NKAIN2: variants seen among roughly 807,000 people sequenced by gnomAD.
NKAIN2 encodes the protein sodium/potassium-transporting ATPase subunit beta-1-interacting protein 2.
A neutral mutation model predicts 32.6 loss-of-function variants in NKAIN2; 14 were observed. The ratio of observed to expected loss-of-function variants is 0.43; its 90% CI spans 0.28 to 0.67. NKAIN2 has a LOEUF of 0.67. Among genes scored for constraint, NKAIN2 ranks in the 30% least tolerant of loss-of-function variants. NKAIN2 has a pLI of 0.17. For synonymous variants in NKAIN2, 80 were observed against 87.2 expected (o/e 0.92, Z 0.46); for missense variants, 198 against 258.3 (o/e 0.77, Z 1.60).
intron 4 of NKAIN2, among the ~76,000 whole-genome samples, chr6:124,677,529 AT>A (rs1448487710): frequency 6.6e-6 from 1 of 151,880 alleles, no homozygotes; most frequent in Non-Finnish European, 1.5e-5. Context: ...TTACTATGAG[AT>A]TTATTTAAAA....
chr6:124,103,999 T>C (rs759784332), intron 1 of NKAIN2, among the ~76,000 whole-genome samples: 20 of 152,114 alleles, frequency 1.3e-4, no homozygotes, highest in Non-Finnish European at 2.2e-4. Context: ...GGCGGGACAA[T>C]GGTGTGAACC....
At chr6:124,427,691 G>T (rs1775040002) in intron 3 of NKAIN2, among the ~76,000 whole-genome samples, 1 of 152,006 alleles carries the variant, frequency 6.6e-6, no homozygotes, top group African/African-American at 2.4e-5. Context: ...CCCCTTAGAG[G>T]TGCCTGAAAT....
In NKAIN2 at chr6:124,373,319, AAGAC is replaced by A. The variant is rs538607006; in HGVS notation, c.273+17975_273+17978del. Among the ~76,000 whole-genome samples, 499 of 152,202 alleles carry A rather than the reference AAGAC, an allele frequency of 3.3e-3. 1 individual carries two copies. Among genetic ancestry groups the A allele is most frequent in the African/African-American group, 0.011 (477 of 41,550 alleles). Reference sequence around the variant, plus strand: ...GGTGTTTCCCTTTGTTGACATGAGAAAGACAGGGAGCAGGTTTGGAAATGAAAGT... The same window carrying A: ...GGTGTTTCCCTTTGTTGACATGAGAAAGGGAGCAGGTTTGGAAATGAAAGT... On this transcript the variant is annotated intron_variant, in intron 3 of 6. Transcript: ENST00000368417.
At chr6:124,135,559 A>G (rs966205812) in intron 1 of NKAIN2, among the ~76,000 whole-genome samples, 3 of 151,090 alleles carry the variant, frequency 2.0e-5, no homozygotes, top group Non-Finnish European at 3.0e-5. Context: ...TAATGATAAA[A>G]GTATTATTCC....
chr6:123,814,171 C>T (rs1773596680), intron 1 of NKAIN2, among the ~76,000 whole-genome samples: 1 of 152,072 alleles, frequency 6.6e-6, no homozygotes, highest in Non-Finnish European at 1.5e-5. Context: ...ATGGGTGGAA[C>T]TCCTGAATGT....
At chr6:124,294,426 T>C (rs1322385991) in intron 2 of NKAIN2, among the ~76,000 whole-genome samples, 1 of 152,130 alleles carries the variant, frequency 6.6e-6, no homozygotes, top group Non-Finnish European at 1.5e-5. Context: ...TTATAAACAA[T>C]TATTTTTAAA....
intron 1 of NKAIN2, among the ~76,000 whole-genome samples, chr6:123,846,410 G>A (rs1015457922): frequency 1.3e-5 from 2 of 152,214 alleles, no homozygotes; most frequent in African/African-American, 4.8e-5. Flanking sequence ...GTAAAGGAGA[G>A]ATGCAAATAG....
chr6:124,026,345 C>G (rs757701169), intron 1 of NKAIN2, among the ~76,000 whole-genome samples: 1 of 151,102 alleles, frequency 6.6e-6, no homozygotes, highest in African/African-American at 2.4e-5. Flanking sequence ...CCAATATTCT[C>G]TTAACCAAAT....
intron 1 of NKAIN2, among the ~76,000 whole-genome samples, chr6:123,891,733 C>G (rs1429792201): frequency 1.3e-5 from 2 of 152,144 alleles, no homozygotes; most frequent in Non-Finnish European, 2.9e-5. Flanking sequence ...TGTTTCTAGT[C>G]TTCATATTTA....
At chr6:124,346,407 T>C (rs1242669067) in intron 2 of NKAIN2, among the ~76,000 whole-genome samples, 1 of 152,182 alleles carries the variant, frequency 6.6e-6, no homozygotes, top group East Asian at 1.9e-4. Context: ...TTCCGTCTCA[T>C]TGATCTGTCT....
chr6:124,483,120 A>C (rs1413029596), intron 3 of NKAIN2, among the ~76,000 whole-genome samples: 1 of 152,034 alleles, frequency 6.6e-6, no homozygotes, highest in Non-Finnish European at 1.5e-5. Context: ...TGTGTTTCAA[A>C]AAAAAAAAGG....
intron 4 of NKAIN2, among the ~76,000 whole-genome samples, chr6:124,707,973 A>T (rs1313268495): frequency 6.7e-6 from 1 of 149,576 alleles, no homozygotes; most frequent in African/African-American, 2.5e-5. Context: ...TTATGGTTTT[A>T]GGTCTAACGT....
chr6:124,541,007 C>T (rs150853501), intron 3 of NKAIN2, among the ~76,000 whole-genome samples: 1 of 152,226 alleles, frequency 6.6e-6, no homozygotes, highest in African/African-American at 2.4e-5. Context: ...GGAGGAGCAT[C>T]TGTATATGCC....
chr6:124,819,011 T>A (rs886324371), intron 6 of NKAIN2: 1 of 201,924 alleles, frequency 5.0e-6, no homozygotes, highest in African/African-American at 2.4e-5. Flanking sequence ...AACACTGAAA[T>A]TTATCGAACC....
At chr6:124,491,758 A>G (rs1777871998) in intron 3 of NKAIN2, among the ~76,000 whole-genome samples, 2 of 151,970 alleles carry the variant, frequency 1.3e-5, no homozygotes, top group Admixed American at 6.6e-5. Flanking sequence ...AATGTTCTCA[A>G]TTCCAAAACA....
intron 1 of NKAIN2, among the ~76,000 whole-genome samples, chr6:123,907,941 C>A (rs1251164466): frequency 6.6e-6 from 1 of 152,150 alleles, no homozygotes; most frequent in East Asian, 1.9e-4. Flanking sequence ...GTCATTCCTC[C>A]AATGAAGACT....
At chr6:124,000,233 T>C (rs999255117) in intron 1 of NKAIN2, among the ~76,000 whole-genome samples, 17 of 152,176 alleles carry the variant, frequency 1.1e-4, no homozygotes, top group African/African-American at 4.1e-4. Context: ...TTTCAATTCT[T>C]ACCACATATA....
chr6:124,658,772 T>C (rs1210098465), intron 4 of NKAIN2: 3 of 313,880 alleles, frequency 9.6e-6, no homozygotes, highest in Non-Finnish European at 1.7e-5. Flanking sequence ...AGTGCTTCTT[T>C]TGGCTGTGCT....
intron 1 of NKAIN2, among the ~76,000 whole-genome samples, chr6:124,112,597 A>G (rs977929073): frequency 6.6e-6 from 1 of 152,130 alleles, no homozygotes; most frequent in East Asian, 1.9e-4. Context: ...ATGGATGTTC[A>G]TTAACTTCCC....
Sources: gnomAD v4.1 joint callset for allele counts (sites outside exome capture counted in the v4.1 genomes callset) on GRCh38, gnomAD v4.1.1 for gene constraint, MANE v1.5 for transcripts, NCBI Gene and HGNC (gene_info 2026-07-23, HGNC 2026-07-21) for gene names.